RORA: variants seen among roughly 807,000 people sequenced by gnomAD.
RORA encodes the protein RAR related orphan receptor A, also known as nuclear receptor ROR-alpha.
In RORA, 7 loss-of-function variants were observed where a neutral mutation model predicts 69.5. The observed-to-expected ratio is 0.10, with a 90% CI of 0.06 to 0.19. RORA has a LOEUF of 0.19. Ranked by LOEUF, RORA falls within the 10% of genes least tolerant of loss-of-function variation. RORA has a pLI of 1.00. For missense variants in RORA, 457 were observed against 663.0 expected (o/e 0.69, Z 3.41); for synonymous variants, 261 against 240.8 (o/e 1.08, Z -0.78).
intron 2 of RORA, among the ~76,000 whole-genome samples, chr15:60,620,139 C>T (rs757130080): frequency 1.3e-5 from 2 of 152,246 alleles, no homozygotes; most frequent in Non-Finnish European, 2.9e-5. Flanking sequence ...CTTTAGACTT[C>T]TTTGGAGTCC....
chr15:60,854,157 G>A (rs1335546723), intron 1 of RORA, among the ~76,000 whole-genome samples: 1 of 152,098 alleles, frequency 6.6e-6, no homozygotes, highest in Non-Finnish European at 1.5e-5. Context: ...AGCTACTTGG[G>A]AGGCTGAGGC....
intron 1 of RORA, chr15:61,181,529 C>T (rs1450766718): frequency 6.6e-6 from 1 of 151,964 alleles, no homozygotes; most frequent in Non-Finnish European, 1.5e-5. Flanking sequence ...ATCTGGGATG[C>T]TTATGGGACG....
At chr15:60,601,982 A>C (rs531904432) in intron 2 of RORA, among the ~76,000 whole-genome samples, 1 of 152,264 alleles carries the variant, frequency 6.6e-6, no homozygotes, top group African/African-American at 2.4e-5. Context: ...ATTATTGAGA[A>C]ACTACTGATA....
chr15:60,889,826 C>T (rs1021070119), intron 1 of RORA, among the ~76,000 whole-genome samples: 3 of 152,208 alleles, frequency 2.0e-5, no homozygotes, highest in African/African-American at 7.2e-5. Context: ...TATGAACTCA[C>T]ACACAGAAAC....
At chr15:60,598,803 C>A (rs998590806) in intron 2 of RORA, among the ~76,000 whole-genome samples, 1 of 152,144 alleles carries the variant, frequency 6.6e-6, no homozygotes, top group Non-Finnish European at 1.5e-5. Context: ...ATTGAGGACA[C>A]AAAGATGGAT....
At chr15:60,990,973 T>C (rs1894359487) in intron 1 of RORA, among the ~76,000 whole-genome samples, 1 of 152,226 alleles carries the variant, frequency 6.6e-6, no homozygotes, top group Non-Finnish European at 1.5e-5. Context: ...TCTTTATCTA[T>C]ATGTCATGTC....
At chr15:61,121,403 T>C (rs924545160) in intron 1 of RORA, among the ~76,000 whole-genome samples, 5 of 152,194 alleles carry the variant, frequency 3.3e-5, no homozygotes, top group Admixed American at 6.5e-5. Flanking sequence ...CCACCATATC[T>C]AACTCAAGCT....
chr15:60,801,276 C>G lies in RORA; in HGVS notation c.167-122590G>C, dbSNP rs568248063. ...TCTAAGTAGTGGCCTCCCCCTCCCC[C>G]CTCCTTCGACAGCTTTATCCCAGGT... On this transcript the variant is annotated intron_variant, in intron 1 of 10. Transcript: ENST00000335670. Among the ~76,000 whole-genome samples, 479 of 152,300 alleles carry G rather than the reference C, an allele frequency of 3.1e-3. 5 individuals carry two copies. Among genetic ancestry groups the G allele is most frequent in the African/African-American group, 0.011 (451 of 41,566 alleles).
intron 1 of RORA, among the ~76,000 whole-genome samples, chr15:61,058,645 GAGA>G (rs1259639790): frequency 1.3e-5 from 2 of 152,292 alleles, no homozygotes; most frequent in South Asian, 2.1e-4. Flanking sequence ...GTGCTGGAGT[GAGA>G]AGAAGAATGA....
intron 1 of RORA, among the ~76,000 whole-genome samples, chr15:61,136,626 T>C (rs1416126381): frequency 6.6e-6 from 1 of 152,118 alleles, no homozygotes; most frequent in Non-Finnish European, 1.5e-5. Flanking sequence ...AAACAAGAAG[T>C]GGAGACGCAG....
intron 1 of RORA, among the ~76,000 whole-genome samples, chr15:61,126,586 G>A (rs890627578): frequency 6.6e-6 from 1 of 152,280 alleles, no homozygotes; most frequent in East Asian, 1.9e-4. Flanking sequence ...TATTTTCAAA[G>A]AGTTGTAATT....
intron 1 of RORA, among the ~76,000 whole-genome samples, chr15:60,872,949 A>G (rs750573304): frequency 6.6e-5 from 10 of 151,780 alleles, no homozygotes; most frequent in Non-Finnish European, 1.0e-4. Context: ...CTTCCTCACC[A>G]GCGCAATCCC....
At chr15:60,944,084 A>T (rs529907154) in intron 1 of RORA, among the ~76,000 whole-genome samples, 1 of 152,200 alleles carries the variant, frequency 6.6e-6, no homozygotes, top group African/African-American at 2.4e-5. Flanking sequence ...AATCACACAT[A>T]TGCTCTCATA....
Position 61,008,651 on chromosome 15 carries a change from G to A in RORA, c.166+220402C>T, listed in dbSNP as rs573817027. ...GAAGAAATCCTATGGAAAAAAATGCGCATGTAGATGGAATTCTTTTCCTTT... is the reference window on the plus strand; with the variant it reads ...GAAGAAATCCTATGGAAAAAAATGCACATGTAGATGGAATTCTTTTCCTTT... On this transcript the variant is annotated intron_variant, in intron 1 of 10. Coordinates refer to ENST00000335670, the MANE Select transcript of RORA (RefSeq NM_134261.3). Among the ~76,000 whole-genome samples the A allele has an allele frequency of 1.8e-4, 27 of 152,104 alleles. No homozygotes were observed. The East Asian group carries it at 2.3e-3, about 13-fold the overall frequency.
chr15:60,519,144 C>T (rs768694417), intron 3 of RORA, among the ~76,000 whole-genome samples: 43 of 152,146 alleles, frequency 2.8e-4, no homozygotes, highest in Admixed American at 5.9e-4. Flanking sequence ...TCAGGCATCC[C>T]CATGAGGCTA....
chr15:60,592,941 G>C, intron 2 of RORA: 1 of 455,664 alleles, frequency 2.2e-6, no homozygotes, highest in South Asian at 1.6e-5. Context: ...GAGCACTCGG[G>C]GGCGATAAAT....
intron 2 of RORA, among the ~76,000 whole-genome samples, chr15:60,609,076 A>G (rs1310300567): frequency 6.6e-6 from 1 of 152,140 alleles, no homozygotes; most frequent in East Asian, 1.9e-4. Flanking sequence ...TTCCTTGTAC[A>G]TTTTAATATT....
At chr15:60,873,363 T>C (rs1255651866) in intron 1 of RORA, among the ~76,000 whole-genome samples, 3 of 152,164 alleles carry the variant, frequency 2.0e-5, no homozygotes, top group African/African-American at 4.8e-5. Flanking sequence ...TTGGAATAAA[T>C]GAATGAATGA....
chr15:60,929,409 A>G (rs149109794), intron 1 of RORA, among the ~76,000 whole-genome samples: 3,142 of 152,286 alleles, frequency 0.021, 48 homozygotes, highest in Non-Finnish European at 0.031. Flanking sequence ...CGGGAAATAA[A>G]TTTATGTTAG....
Sources: allele counts gnomAD v4.1 joint callset (sites outside exome capture counted in the v4.1 genomes callset), GRCh38; gene constraint gnomAD v4.1.1; transcripts MANE v1.5; gene names NCBI Gene and HGNC (gene_info 2026-07-23, HGNC 2026-07-21).